SYNE2: variants seen among roughly 807,000 people sequenced by gnomAD.
SYNE2 encodes nesprin-2.
Under a neutral mutation model 856.3 loss-of-function variants are expected in SYNE2, and 431 were observed. The ratio of observed to expected loss-of-function variants is 0.50; its 90% CI spans 0.47 to 0.55. SYNE2 has a LOEUF of 0.55. Among genes scored for constraint, SYNE2 ranks in the 20% least tolerant of loss-of-function variants. SYNE2 has a pLI of 0.00. For synonymous variants in SYNE2, 2,923 were observed against 2,872.3 expected (o/e 1.02, Z -0.56); for missense variants, 8,129 against 8,023.2 (o/e 1.01, Z -0.50).
intron 1 of SYNE2, among the ~76,000 whole-genome samples, chr14:63,807,359 AG>A (rs1888401104): frequency 6.6e-6 from 1 of 151,130 alleles, no homozygotes; most frequent in African/African-American, 2.4e-5. Flanking sequence ...AAAAAAAAAA[AG>A]TAGGTCTGTA....
At chr14:64,189,176 A>G (rs1425835935) in intron 98 of SYNE2, among the ~76,000 whole-genome samples, 1 of 152,146 alleles carries the variant, frequency 6.6e-6, no homozygotes, top group Non-Finnish European at 1.5e-5. Flanking sequence ...TCTACTAAAA[A>G]TACAAAAATT....
At chr14:64,144,810 G>T (rs1008065452) in intron 83 of SYNE2, among the ~76,000 whole-genome samples, 1 of 151,932 alleles carries the variant, frequency 6.6e-6, no homozygotes, top group African/African-American at 2.4e-5. Context: ...TGTGCACAGA[G>T]TGTTCAATTC....
At chr14:64,175,882 T>C (rs979195742) in intron 95 of SYNE2, among the ~76,000 whole-genome samples, 4 of 152,242 alleles carry the variant, frequency 2.6e-5, no homozygotes, top group African/African-American at 9.6e-5. Context: ...ATAAAGTATC[T>C]GAATTTTATT....
intron 58 of SYNE2, 27 bp downstream of exon 58, chr14:64,087,883 T>C (rs2097575798): frequency 1.2e-6 from 2 of 1,612,040 alleles, no homozygotes; most frequent in African/African-American, 1.3e-5. Flanking sequence ...CATTTAATCA[T>C]TCAGGATTAA....
chr14:63,877,071 CT>C (rs916017938), intron 1 of SYNE2, among the ~76,000 whole-genome samples: 14 of 152,072 alleles, frequency 9.2e-5, no homozygotes, highest in African/African-American at 3.4e-4. Flanking sequence ...TTGATTTTCC[CT>C]TGGGATAAGA....
chr14:64,185,121 G>A (rs2098482115), intron 96 of SYNE2, among the ~76,000 whole-genome samples: 1 of 152,226 alleles, frequency 6.6e-6, no homozygotes, highest in African/African-American at 2.4e-5. Flanking sequence ...AGCCAGTTGT[G>A]GTGGTGCGTG....
chr14:63,998,432 G>T, intron 26 of SYNE2, 104 bp downstream of exon 26: 1 of 766,612 alleles, frequency 1.3e-6, no homozygotes, highest in South Asian at 1.5e-5. Context: ...TCGTCATTTT[G>T]CATATGATCC....
chr14:63,825,098 A>G (rs1889371545), intron 1 of SYNE2, among the ~76,000 whole-genome samples: 1 of 150,086 alleles, frequency 6.7e-6, no homozygotes, highest in African/African-American at 2.4e-5. Flanking sequence ...AGACTGTTTC[A>G]AAAAAAAAAG....
intron 1 of SYNE2, among the ~76,000 whole-genome samples, chr14:63,794,542 A>G (rs1887852042): frequency 1.3e-5 from 2 of 152,216 alleles, no homozygotes; most frequent in Admixed American, 1.3e-4. Flanking sequence ...TAACAACTAC[A>G]CAGAAAATCT....
At chr14:63,961,765 A>G (rs2153447743) in intron 9 of SYNE2, 140 bp downstream of exon 9, 8 of 704,296 alleles carry the variant, frequency 1.1e-5, no homozygotes, top group Middle Eastern at 3.1e-4. Flanking sequence ...TCATACTTCA[A>G]TCATGATGTA....
At chr14:64,184,329 G>GGT (rs767980383) in intron 96 of SYNE2, among the ~76,000 whole-genome samples, 11,714 of 144,114 alleles carry the variant, frequency 0.081, 469 homozygotes, top group Middle Eastern at 0.11. Context: ...TATGCATAGG[G>GGT]GTGTGTGTGT....
chr14:64,129,438 A>G (rs1023166149), intron 74 of SYNE2, among the ~76,000 whole-genome samples: 1 of 152,238 alleles, frequency 6.6e-6, no homozygotes, highest in African/African-American at 2.4e-5. Flanking sequence ...CACCCTTACA[A>G]TAGCATGCTG....
At chr14:63,921,209 A>T (rs1389615610) in intron 2 of SYNE2, among the ~76,000 whole-genome samples, 1 of 152,152 alleles carries the variant, frequency 6.6e-6, no homozygotes, top group Non-Finnish European at 1.5e-5. Context: ...GCAGGAGAAC[A>T]ACTTTGGTTG....
intron 1 of SYNE2, among the ~76,000 whole-genome samples, chr14:63,802,917 C>A (rs1888202081): frequency 6.6e-6 from 1 of 152,120 alleles, no homozygotes; most frequent in African/African-American, 2.4e-5. Flanking sequence ...GTGAGTGTTA[C>A]AGCTCATAAA....
In SYNE2 at chr14:64,163,159, C is replaced by T. The variant is rs146894310; in HGVS notation, c.16300-243C>T. Reference sequence around the variant, plus strand: ...GTCTCCAGTTTCTATACACTAGAAGCCTCGACTCTATTAGTCAGTGGTCAC... The same window carrying T: ...GTCTCCAGTTTCTATACACTAGAAGTCTCGACTCTATTAGTCAGTGGTCAC... On this transcript the variant is annotated intron_variant, in intron 88 of 115. Transcript: ENST00000555002. 5.9e-3 allele frequency among the ~76,000 whole-genome samples: 905 copies of T among 152,280 alleles called. 8 individuals carry two copies. The highest frequency in any genetic ancestry group is 8.1e-3 in the Non-Finnish European group (554 of 68,038).
intron 67 of SYNE2, 61 bp from the exon 68 acceptor site, chr14:64,120,866 T>G: frequency 1.9e-6 from 3 of 1,575,622 alleles, no homozygotes; most frequent in Non-Finnish European, 2.6e-6. Flanking sequence ...TTATTAGAAT[T>G]GAGATAAAGT....
At position 64,029,973 on chromosome 14, in the gene SYNE2, T is replaced by A; in HGVS notation, c.6793T>A (p.Leu2265Met). The A allele has an allele frequency of 6.2e-7, 1 of 1,614,154 alleles. No homozygotes were observed. The highest frequency in any genetic ancestry group is 2.2e-5 in the East Asian group (1 of 44,872). The change falls in exon 44 of 116, where the codon TTG becomes ATG. Residue 2265 changes from leucine (L) to methionine (M), a missense_variant. Physicochemically the swap from Leu to Met is conservative, Grantham distance 15 (BLOSUM62 2). This residue lies in a region of SYNE2 where 297 missense variants were observed against 380.9 expected (regional missense o/e 0.78). Coordinates refer to ENST00000555002, the MANE Select transcript of SYNE2 (RefSeq NM_182914.3). ...QVCVTDLNTT[L>M]DNFSKEFVSF... ...TTGCGTCACAGACCTGAATACTACATTGGACAATTTCTCCAAGGAATTTGT... is the reference window on the plus strand; with the variant it reads ...TTGCGTCACAGACCTGAATACTACAATGGACAATTTCTCCAAGGAATTTGT...
chr14:63,761,905 C>A (rs1886498820), exon 1 of SYNE2: 4 of 232,658 alleles, frequency 1.7e-5, no homozygotes, highest in South Asian at 1.5e-4. Context: ...AGCTGCAGGA[C>A]CGCCGTGACG....
intron 111 of SYNE2, 37 bp downstream of exon 111, chr14:64,220,674 A>T: frequency 1.2e-6 from 2 of 1,608,238 alleles, no homozygotes; most frequent in Non-Finnish European, 1.7e-6. Context: ...CAGAGCCGGT[A>T]CCCAGGCCCA....
Sources: allele counts gnomAD v4.1 joint callset (sites outside exome capture counted in the v4.1 genomes callset), GRCh38; gene constraint gnomAD v4.1.1; regional missense constraint gnomAD v4.1.1; transcripts MANE v1.5; gene names NCBI Gene and HGNC (gene_info 2026-07-23, HGNC 2026-07-21).